The following KIAA1549L variants were observed in gnomAD, a reference collection of about 807,000 sequenced individuals.
KIAA1549L encodes the protein UPF0606 protein KIAA1549L.
In KIAA1549L, 88 loss-of-function variants were observed where a neutral mutation model predicts 160.7. The observed-to-expected ratio is 0.55, with a 90% confidence interval of 0.46 to 0.65. The LOEUF (loss-of-function observed/expected upper bound fraction) is 0.65, where lower values mean the gene tolerates loss of function less well. Ranked by LOEUF, KIAA1549L falls within the 30% of genes least tolerant of loss-of-function variation. The pLI, the probability that KIAA1549L is intolerant of heterozygous loss-of-function variation, is 0.00. For synonymous variants in KIAA1549L, 950 were observed against 976.7 expected (o/e 0.97, Z 0.51); for missense variants, 2,258 against 2,437.5 (o/e 0.93, Z 1.55).
chr11:33,391,125 A>C (rs1850265249), intron 1 of KIAA1549L, among the ~76,000 whole-genome samples: 1 of 152,262 alleles, frequency 6.6e-6, no homozygotes, highest in Non-Finnish European at 1.5e-5. Context: ...TACTGTGTAT[A>C]GTCCCAATGG....
chr11:33,559,941 A>G (rs538467920), intron 7 of KIAA1549L, 30 bp downstream of exon 7: 242 of 1,604,032 alleles, frequency 1.5e-4, no homozygotes, highest in Non-Finnish European at 2.0e-4. Flanking sequence ...TGGGGACCCC[A>G]GTGTTTCCCC....
intron 15 of KIAA1549L, among the ~76,000 whole-genome samples, chr11:33,616,397 C>T (rs1321952813): frequency 1.3e-5 from 2 of 152,174 alleles, no homozygotes; most frequent in Non-Finnish European, 2.9e-5. Flanking sequence ...AGGTCAGATG[C>T]CCAGCCCCTG....
chr11:33,472,284 T>TC (rs1421466901), intron 1 of KIAA1549L, among the ~76,000 whole-genome samples: 1 of 149,668 alleles, frequency 6.7e-6, no homozygotes, highest in East Asian at 1.9e-4. Flanking sequence ...GCTTTTTTTT[T>TC]TTTTTTTTTT....
At chr11:33,624,746 TA>T (rs1851052103) in intron 16 of KIAA1549L, among the ~76,000 whole-genome samples, 1 of 150,376 alleles carries the variant, frequency 6.6e-6, no homozygotes, top group South Asian at 2.1e-4. Context: ...TTTTTTTTTT[TA>T]ATTTTTGCTT....
intron 1 of KIAA1549L, among the ~76,000 whole-genome samples, chr11:33,484,483 C>T (rs1407601882): frequency 6.6e-6 from 1 of 152,206 alleles, no homozygotes; most frequent in African/African-American, 2.4e-5. Flanking sequence ...ACCAGCTCCG[C>T]CATTTATAGT....
chr11:33,397,232 G>T (rs1166760589), intron 1 of KIAA1549L, among the ~76,000 whole-genome samples: 1 of 146,702 alleles, frequency 6.8e-6, no homozygotes, highest in African/African-American at 2.5e-5. Context: ...TACTTAGGAG[G>T]CTGAGGCAGG....
At chr11:33,512,778 T>C (rs1363477063) in intron 1 of KIAA1549L, among the ~76,000 whole-genome samples, 1 of 152,122 alleles carries the variant, frequency 6.6e-6, no homozygotes, top group Admixed American at 6.6e-5. Context: ...AGTTCTCACA[T>C]CAGTTACATG....
chr11:33,490,524 C>T lies in KIAA1549L; in HGVS notation c.239-51278C>T, dbSNP rs192342066. Among the ~76,000 whole-genome samples, 167 of 152,080 alleles carry T rather than the reference C, an allele frequency of 1.1e-3. No homozygotes were observed. The South Asian group carries it at 0.025, about 23-fold the overall frequency. ...ATTTTTAGTAGAGATGAGGTTTCAC[C>T]GTGTTGCTTAGGCTGATCTGAAACT... is the stretch of plus-strand genomic sequence containing the variant. On this transcript the variant is annotated intron_variant, in intron 1 of 20. Coordinates refer to ENST00000658780, the MANE Select transcript of KIAA1549L (RefSeq NM_012194.3).
At chr11:33,546,284 A>G (rs899682617) in intron 3 of KIAA1549L, among the ~76,000 whole-genome samples, 1 of 152,174 alleles carries the variant, frequency 6.6e-6, no homozygotes, top group East Asian at 1.9e-4. Flanking sequence ...AAATTACAGT[A>G]TCTCTCTCTG....
chr11:33,659,051 A>G (rs1045458089), intron 19 of KIAA1549L, among the ~76,000 whole-genome samples, 153 bp downstream of exon 19: 1 of 152,188 alleles, frequency 6.6e-6, no homozygotes, highest in Non-Finnish European at 1.5e-5. Flanking sequence ...AGGAGCCCCA[A>G]CTAAAAGAGC....
intron 15 of KIAA1549L, among the ~76,000 whole-genome samples, chr11:33,613,940 G>A (rs1021962565): frequency 3.3e-5 from 5 of 152,050 alleles, no homozygotes; most frequent in African/African-American, 9.7e-5. Context: ...TGCTGTTGGC[G>A]GCCCCAGTCC....
chr11:33,377,937 A>T (rs1411112169), intron 1 of KIAA1549L, among the ~76,000 whole-genome samples: 2 of 152,152 alleles, frequency 1.3e-5, no homozygotes, highest in African/African-American at 4.8e-5. Flanking sequence ...AGAGTCACTG[A>T]CAGGTGGTGC....
chr11:33,452,824 G>T (rs1851748821), intron 1 of KIAA1549L, among the ~76,000 whole-genome samples: 1 of 152,112 alleles, frequency 6.6e-6, no homozygotes, highest in Non-Finnish European at 1.5e-5. Context: ...CTTCCTGTTT[G>T]CAAGGACCTG....
intron 12 of KIAA1549L, among the ~76,000 whole-genome samples, chr11:33,594,581 A>C (rs1211461010): frequency 1.3e-5 from 2 of 152,336 alleles, no homozygotes; most frequent in African/African-American, 4.8e-5. Context: ...CAAGAAAAAC[A>C]AAAAACACCC....
Position 33,544,854 on chromosome 11 carries a change from C to A in KIAA1549L, c.2861C>A (p.Ala954Glu). 1 of 1,613,630 alleles carries A rather than the reference C, an allele frequency of 6.2e-7. No homozygotes were observed. Among genetic ancestry groups the A allele is most frequent in the Non-Finnish European group, 8.5e-7 (1 of 1,179,660 alleles). ...LRKSSPPALS[A>E]ALVAKGTSSS... ...AAATCAAGTCCACCTGCACTGTCTGCAGCCCTGGTTGCTAAGGGCACCAGC... is the reference window on the plus strand; with the variant it reads ...AAATCAAGTCCACCTGCACTGTCTGAAGCCCTGGTTGCTAAGGGCACCAGC... The change falls in exon 3 of 21, where the codon GCA becomes GAA. Residue 954 changes from alanine (A) to glutamate (E), a missense_variant. Coordinates refer to ENST00000658780, the MANE Select transcript of KIAA1549L (RefSeq NM_012194.3).
At chr11:33,406,028 A>G (rs1454134930) in intron 1 of KIAA1549L, among the ~76,000 whole-genome samples, 1 of 152,138 alleles carries the variant, frequency 6.6e-6, no homozygotes, top group Non-Finnish European at 1.5e-5. Context: ...ATGTGTATGT[A>G]TCACTTCCTT....
intron 16 of KIAA1549L, among the ~76,000 whole-genome samples, chr11:33,624,677 G>A (rs1421602206): frequency 1.3e-5 from 2 of 151,140 alleles, no homozygotes; most frequent in African/African-American, 4.9e-5. Context: ...TACCTTATAA[G>A]GTTGTATGCA....
chr11:33,593,888 C>T (rs529145175), intron 12 of KIAA1549L, among the ~76,000 whole-genome samples: 33 of 152,132 alleles, frequency 2.2e-4, no homozygotes, highest in African/African-American at 7.0e-4. Context: ...TGTGTAATTA[C>T]TCTATAAGAC....
chr11:33,397,849 GT>G (rs1409611920), intron 1 of KIAA1549L, among the ~76,000 whole-genome samples: 2 of 125,784 alleles, frequency 1.6e-5, no homozygotes, highest in Admixed American at 8.5e-5. Flanking sequence ...AAATCATATA[GT>G]TTTTTTTGTT....
Sources: gnomAD v4.1 joint callset for allele counts (sites outside exome capture counted in the v4.1 genomes callset) on GRCh38, gnomAD v4.1.1 for gene constraint, MANE v1.5 for transcripts, NCBI Gene and HGNC (gene_info 2026-07-23, HGNC 2026-07-21) for gene names.